Variants in KMT2D observed in about 807,000 individuals in gnomAD.
KMT2D encodes histone-lysine N-methyltransferase 2D.
A neutral mutation model predicts 512.7 loss-of-function variants in KMT2D; 55 were observed. That is an observed-to-expected ratio of 0.11 (90% CI 0.09 to 0.13). The LOEUF is 0.13. Among genes scored for constraint, KMT2D ranks in the 10% least tolerant of loss-of-function variants. KMT2D has a pLI of 1.00. For synonymous variants in KMT2D, 2,995 were observed against 2,904.0 expected (o/e 1.03, Z -1.01); for missense variants, 6,061 against 7,127.9 (o/e 0.85, Z 5.39).
Position 49,031,985 on chromosome 12 carries a change from G to A in KMT2D, c.12720C>T (p.Thr4240=). Residue 4240 remains threonine, a synonymous_variant, in exon 40 of 55, where the codon ACC becomes ACT. Transcript: ENST00000301067. The stretch of plus-strand genomic sequence containing the variant: ...GGGTCCCAGGCTCCTGGTAGGGTGG[G>A]GTCTGGCGTACTGCCTGACTCTGCT... ...QLQQSQAVRQ[T]PPYQEPGTQT... is the part of the protein sequence containing the mutation. The A allele has an allele frequency of 6.3e-7, 1 of 1,585,206 alleles. No individual in the cohort carries two copies. Among genetic ancestry groups the A allele is most frequent in the Non-Finnish European group, 8.6e-7 (1 of 1,162,982 alleles).
Position 49,029,185 on chromosome 12 carries a change from T to C in KMT2D, c.14127A>G (p.Ser4709=). The part of the protein sequence containing the change: ...SDSPDSIVPA[S]SPESILGEEA... ...CCTCCCCCAAGATGCTCTCAGGGGA[T>C]GAAGCTGGCACAATGCTGTCAGGAG... The change falls in exon 45 of 55, where the codon TCA becomes TCG. Residue 4709 remains serine, a synonymous_variant. Transcript: ENST00000301067. 1 of 1,613,936 alleles carries C rather than the reference T, an allele frequency of 6.2e-7. No homozygotes were observed. The highest frequency in any genetic ancestry group is 8.5e-7 in the Non-Finnish European group (1 of 1,179,830).
chr12:49,019,802 A>G lies in KMT2D; in HGVS notation c.*1978T>C. ...AACAGTTGAGGAAGCAGCTTTAAAA[A>G]AAAAAAATCTCCCTACCCCCAACAA... On this transcript the variant is annotated 3_prime_UTR_variant, in exon 55 of 55. Transcript: ENST00000301067. 4.3e-6 allele frequency: 1 copy of G among 232,092 alleles called. No individual in the cohort carries two copies. Among genetic ancestry groups the G allele is most frequent in the East Asian group, 6.1e-5 (1 of 16,390 alleles). The allele number at this position is 232,092 out of a possible 1,614,324, so 14.4% of individuals were successfully genotyped here.
intron 9 of KMT2D, 31 bp downstream of exon 9, chr12:49,052,884 A>AG (rs747321938): frequency 6.2e-7 from 1 of 1,611,206 alleles, no homozygotes. Context: ...CCAACCTGCC[A>AG]GCCCAATCTC....
Position 49,034,115 on chromosome 12 carries a change from G to T in KMT2D, c.10692C>A (p.Leu3564=), listed in dbSNP as rs191112586. The T allele has an allele frequency of 1.2e-6, 2 of 1,613,000 alleles. No homozygotes were observed. Among genetic ancestry groups the T allele is most frequent in the Non-Finnish European group, 8.5e-7 (1 of 1,179,890 alleles). ...TGCTCTGCTGCTCTGTAACCAGCTT[G>T]AGCTTCTCAGCATCAGCTTCTGGGA... ...REFPEADAEK[L]KLVTEQQSKI... is the part of the protein sequence containing the mutation. Residue 3564 remains leucine (L), a synonymous_variant, in exon 39 of 55, where the codon CTC becomes CTA. Transcript: ENST00000301067.
Position 49,033,582 on chromosome 12 carries a change from C to T in KMT2D, c.11123G>A (p.Ser3708Asn), listed in dbSNP as rs761428653. 8 of 1,613,370 alleles carry T rather than the reference C, an allele frequency of 5.0e-6. No individual in the cohort carries two copies. Among genetic ancestry groups the T allele is most frequent in the Non-Finnish European group, 6.8e-6 (8 of 1,179,816 alleles). The change falls in exon 40 of 55, where the codon AGC becomes AAC. Residue 3708 changes from serine to asparagine, a missense_variant. By Grantham distance (46) the Ser-to-Asn change is conservative. This residue lies in a region of KMT2D where 1,600 missense variants were observed against 1,754.9 expected (regional missense o/e 0.91). Coordinates refer to ENST00000301067, the MANE Select transcript of KMT2D (RefSeq NM_003482.4). ...TAAAAGCCTTGAATCAGGTCCGAGG[C>T]TTCGAAGAGCAAGGTTGCCAGGGAA... is the stretch of plus-strand genomic sequence containing the variant. ...GFFPGNLALRSLGPDSRLLQE... is the reference protein window; with the variant it reads ...GFFPGNLALRNLGPDSRLLQE...
At position 49,037,644 on chromosome 12, in the gene KMT2D, T is replaced by C. The variant is rs2120483469; in HGVS notation, c.9712A>G (p.Ser3238Gly). The change falls in exon 35 of 55, where the codon AGC (serine) becomes GGC (glycine). Residue 3238 changes from serine (S) to glycine (G), a missense_variant. Coordinates refer to ENST00000301067, the MANE Select transcript of KMT2D (RefSeq NM_003482.4). ...GGTAACTCGCTGGCTACCAGTGAGC[T>C]CTCCATCTTGTCTAGCTCATCCCCA... ...ASGDELDKME[S>G]SLVASELPLL... The C allele has an allele frequency of 6.4e-7, 1 of 1,574,174 alleles. No individual in the cohort carries two copies. Among genetic ancestry groups the C allele is most frequent in the Non-Finnish European group, 8.6e-7 (1 of 1,159,606 alleles).
intron 51 of KMT2D, chr12:49,023,952 G>A (rs1942445164): frequency 2.4e-6 from 1 of 417,784 alleles, no homozygotes; most frequent in African/African-American, 2.1e-5. Flanking sequence ...AAGAAGTAAG[G>A]GTCTGGTCCC....
At position 49,037,469 on chromosome 12, in the gene KMT2D, G is replaced by A. The variant is rs2120479561; in HGVS notation, c.9887C>T (p.Ser3296Phe). The A allele has an allele frequency of 6.4e-7, 1 of 1,566,792 alleles. No individual in the cohort carries two copies. The highest frequency in any genetic ancestry group is 8.7e-7 in the Non-Finnish European group (1 of 1,155,690). Residue 3296 changes from serine to phenylalanine, a missense_variant, in exon 35 of 55, where the codon TCT (serine) becomes TTT (phenylalanine). Ser to Phe is a radical substitution (Grantham distance 155). Transcript: ENST00000301067. ...GGGAGAAGAGCCCTCATGTGGCAAAGACATGGCCTGGGCAGGGCCTGGTGC... is the reference window on the plus strand; with the variant it reads ...GGGAGAAGAGCCCTCATGTGGCAAAAACATGGCCTGGGCAGGGCCTGGTGC... ...LSAPGPAQAMSLPHEGSSPSL... is the reference protein window; with the variant it reads ...LSAPGPAQAMFLPHEGSSPSL...
rs750680041 is a variant in KMT2D at position 49,046,834 on chromosome 12, G to C, written c.4237-44C>G. The stretch of plus-strand genomic sequence containing the variant: ...ACTTCTCAGGGTGTGAGGTGGAAAA[G>C]AGGTAGAACTTCTTTTTATTTTTTT... On this transcript the variant is annotated intron_variant, in intron 15 of 54. Coordinates refer to ENST00000301067, the MANE Select transcript of KMT2D (RefSeq NM_003482.4). This position sits in a 1 kb window ranked among gnomAD's most constrained non-coding sequence, Gnocchi z 4.2. 2 of 1,548,050 alleles carry C rather than the reference G, an allele frequency of 1.3e-6. No homozygotes were observed. The highest frequency in any genetic ancestry group is 1.4e-5 in the African/African-American group (1 of 72,440).
chr12:49,036,259 C>G (rs1199271557), intron 35 of KMT2D, among the ~76,000 whole-genome samples: 1 of 151,990 alleles, frequency 6.6e-6, no homozygotes, highest in Non-Finnish European at 1.5e-5. Flanking sequence ...TGAAACATCC[C>G]ATAGGTTTTC....
rs1306369968 is a variant in KMT2D, at chr12:49,028,818, T to C, written c.14382+10A>G. Reference sequence around the variant, plus strand: ...GTTCCCCTCAGCCTCGAGGTACCCCTAGGACACACCTTGGCTGCAGCAGCA... The same window carrying C: ...GTTCCCCTCAGCCTCGAGGTACCCCCAGGACACACCTTGGCTGCAGCAGCA... On this transcript the variant is annotated intron_variant, in intron 46 of 54. Coordinates refer to ENST00000301067, the MANE Select transcript of KMT2D (RefSeq NM_003482.4). 1.3e-5 allele frequency: 21 copies of C among 1,613,454 alleles called. No homozygotes were observed. The highest frequency in any genetic ancestry group is 1.7e-5 in the Non-Finnish European group (20 of 1,179,782).
rs756641752 is a variant in KMT2D at position 49,038,370 on chromosome 12, C to G, written c.8986G>C (p.Asp2996His). The G allele has an allele frequency of 6.2e-7, 1 of 1,613,884 alleles. No homozygotes were observed. The highest frequency in any genetic ancestry group is 8.5e-7 in the Non-Finnish European group (1 of 1,179,882). The change falls in exon 35 of 55, where the codon GAT becomes CAT. Residue 2996 changes from aspartate (D) to histidine (H), a missense_variant. Asp to His is a moderately conservative substitution (Grantham distance 81, BLOSUM62 -1). This residue lies in a region of KMT2D where 527 missense variants were observed against 578.9 expected (regional missense o/e 0.91). Transcript: ENST00000301067. The surrounding 1 kb of genome is among the most constrained non-coding windows in gnomAD (Gnocchi z 5.7). ...TCTAGGGCCTTGTGGGCATCAAAATCGTCATCCAGCTCGGGATCCTCACAG... is the reference window on the plus strand; with the variant it reads ...TCTAGGGCCTTGTGGGCATCAAAATGGTCATCCAGCTCGGGATCCTCACAG... ...LPCEDPELDD[D>H]FDAHKALEDD... is the part of the protein sequence containing the mutation.
Position 49,030,399 on chromosome 12 carries a change from G to A in KMT2D, c.13880C>T (p.Pro4627Leu), listed in dbSNP as rs2120403446. The A allele has an allele frequency of 6.5e-7, 1 of 1,535,368 alleles. No individual in the cohort carries two copies. The highest frequency in any genetic ancestry group is 8.8e-7 in the Non-Finnish European group (1 of 1,130,704). Residue 4627 changes from proline to leucine, a missense_variant, in exon 43 of 55, where the codon CCC (proline) becomes CTC (leucine). Transcript: ENST00000301067. ...SNPPTPPSSLPPTPPPSVQQK... is the reference protein window; with the variant it reads ...SNPPTPPSSLLPTPPPSVQQK... ...CTGCACCGATGGGGGTGGGGTGGGG[G>A]GCAGCGACGAGGGTGGTGTCGGCGG...
In KMT2D at chr12:49,052,442, C is replaced by T. The variant is rs1379472549; in HGVS notation, c.1259-18G>A. The T allele has an allele frequency of 3.9e-6, 6 of 1,541,804 alleles. No individual in the cohort carries two copies. The highest frequency in any genetic ancestry group is 2.5e-5 in the South Asian group (2 of 79,708). On this transcript the variant is annotated intron_variant, in intron 10 of 54. Transcript: ENST00000301067. ...TGCTTTCCCTGCAGACACAACAACA[C>T]GATGCTCCTATCTAGCTCAGATCTA...
rs1047190414 is a variant in KMT2D at position 49,060,490 on chromosome 12, C to T, written c.-915G>A. ...GCGGCCTAGAGGTGCATGGCCCAACCCCGGCTCCCGGCACCGGGGGGTCAG... is the reference window on the plus strand; with the variant it reads ...GCGGCCTAGAGGTGCATGGCCCAACTCCGGCTCCCGGCACCGGGGGGTCAG... On this transcript the variant is annotated 5_prime_UTR_variant, in exon 1 of 55. Coordinates refer to ENST00000301067, the MANE Select transcript of KMT2D (RefSeq NM_003482.4). Among the ~76,000 whole-genome samples, 1 of 152,226 alleles carries T rather than the reference C, an allele frequency of 6.6e-6. No homozygotes were observed. Among genetic ancestry groups the T allele is most frequent in the African/African-American group, 2.4e-5 (1 of 41,460 alleles).
rs2120547757 is a variant in KMT2D at position 49,041,489 on chromosome 12, G to T, written c.6281C>A (p.Ala2094Asp). 6.2e-7 allele frequency: 1 copy of T among 1,613,580 alleles called. No individual in the cohort carries two copies. The highest frequency in any genetic ancestry group is 8.5e-7 in the Non-Finnish European group (1 of 1,179,670). The change falls in exon 32 of 55, where the codon GCC becomes GAC. Residue 2094 changes from alanine to aspartate, a missense_variant. Ala to Asp is a moderately radical substitution (Grantham distance 126). Coordinates refer to ENST00000301067, the MANE Select transcript of KMT2D (RefSeq NM_003482.4). The surrounding 1 kb of genome is among the most constrained non-coding windows in gnomAD (Gnocchi z 5.4). Reference sequence around the variant, plus strand: ...TAGGGCCGGTCGGTCAGTCTTACGGGCTATGTCGCCCACCTTGGTCTGCTT... The same window carrying T: ...TAGGGCCGGTCGGTCAGTCTTACGGTCTATGTCGCCCACCTTGGTCTGCTT... ...INKQTKVGDI[A>D]RKTDRPALHL...
rs796995132 is a variant in KMT2D at position 49,030,186 on chromosome 12, G to T, written c.13999+94C>A. On this transcript the variant is annotated intron_variant, in intron 43 of 54. Transcript: ENST00000301067. Reference sequence around the variant, plus strand: ...TGTTATGTAAACACACAGGACAGCAGGCAACCCACTAATTTCTAAACTGTA... The same window carrying T: ...TGTTATGTAAACACACAGGACAGCATGCAACCCACTAATTTCTAAACTGTA... 6 of 1,110,016 alleles carry T rather than the reference G, an allele frequency of 5.4e-6. No individual in the cohort carries two copies. The African/African-American group carries it at 9.3e-5, about 17-fold the overall frequency. The allele number at this position is 1,110,016 out of a possible 1,614,324, so 68.8% of individuals were successfully genotyped here.
At chr12:49,031,106 C>A (rs574825190) in intron 40 of KMT2D, 69 bp downstream of exon 40, 1 of 1,610,846 alleles carries the variant, frequency 6.2e-7, no homozygotes, top group Non-Finnish European at 8.5e-7. Flanking sequence ...CTGACCCAGG[C>A]TCACTCATTC....
intron 35 of KMT2D, chr12:49,035,952 A>T (rs1423111056): frequency 1.3e-5 from 2 of 152,240 alleles, no homozygotes; most frequent in African/African-American, 4.8e-5. Flanking sequence ...CAGACTTCAG[A>T]TCTAGCTCTG....
Sources: allele counts gnomAD v4.1 joint callset (sites outside exome capture counted in the v4.1 genomes callset), GRCh38; gene constraint gnomAD v4.1.1; regional missense constraint gnomAD v4.1.1; non-coding constraint Gnocchi (gnomAD v3.1); transcripts MANE v1.5; gene names NCBI Gene and HGNC (gene_info 2026-07-23, HGNC 2026-07-21).